Variants in COP1 observed in about 807,000 individuals in gnomAD.
COP1 encodes E3 ubiquitin-protein ligase COP1.
COP1 carries 24 observed loss-of-function variants against 101.3 expected under a neutral mutation model. That is an observed-to-expected ratio of 0.24 (90% confidence interval 0.17 to 0.33). The LOEUF (loss-of-function observed/expected upper bound fraction) is 0.33. COP1 is among the 10% of genes least tolerant of loss of function. The probability of loss-of-function intolerance (pLI) is 1.00; values close to 1 mark genes in which losing one functional copy is unlikely to be tolerated. For synonymous variants in COP1, 347 were observed against 341.9 expected (o/e 1.01, Z -0.17); for missense variants, 663 against 906.2 (o/e 0.73, Z 3.45).
At chr1:176,010,012 TTTTTCCC>T (rs1664356003) in intron 15 of COP1, among the ~76,000 whole-genome samples, 1 of 152,086 alleles carries the variant, frequency 6.6e-6, no homozygotes, top group South Asian at 2.1e-4. Flanking sequence ...CTGTTTTTCC[TTTTTCCC>T]TTTTAGCTTT....
intron 15 of COP1, among the ~76,000 whole-genome samples, chr1:175,998,299 T>C (rs1388967846): frequency 7.0e-6 from 1 of 142,308 alleles, no homozygotes; most frequent in East Asian, 2.2e-4. Flanking sequence ...CATCACACTC[T>C]GGGGACTGTT....
chr1:176,111,301 T>TG (rs1558130325), intron 9 of COP1, among the ~76,000 whole-genome samples: 12 of 151,950 alleles, frequency 7.9e-5, no homozygotes, highest in East Asian at 3.9e-4. Context: ...TATTTATTTT[T>TG]TGTGTGTGTG....
chr1:176,143,084 T>C (rs1378808408), intron 6 of COP1, among the ~76,000 whole-genome samples: 3 of 150,274 alleles, frequency 2.0e-5, no homozygotes, highest in African/African-American at 4.9e-5. Flanking sequence ...ACCCATATAA[T>C]TGATATATTC....
chr1:176,061,577 G>A (rs1348461563), intron 11 of COP1, among the ~76,000 whole-genome samples: 1 of 152,090 alleles, frequency 6.6e-6, no homozygotes, highest in Non-Finnish European at 1.5e-5. Flanking sequence ...AGTCAGCCGT[G>A]ATCACGCCAT....
At chr1:175,992,505 TG>T (rs1658830455) in intron 15 of COP1, among the ~76,000 whole-genome samples, 1 of 151,996 alleles carries the variant, frequency 6.6e-6, no homozygotes, top group South Asian at 2.1e-4. Flanking sequence ...AAGAAAGGAG[TG>T]ACAGACGGCA....
chr1:176,173,298 G>A (rs1315737768), intron 3 of COP1, among the ~76,000 whole-genome samples: 3 of 123,580 alleles, frequency 2.4e-5, no homozygotes, highest in East Asian at 2.8e-4. Flanking sequence ...GTGACAGTGC[G>A]AGACTTTGTC....
At chr1:175,995,043 G>A (rs561798855) in intron 15 of COP1, among the ~76,000 whole-genome samples, 2 of 152,184 alleles carry the variant, frequency 1.3e-5, no homozygotes, top group South Asian at 2.1e-4. Flanking sequence ...ATAACAAACT[G>A]TCTCTCAGAC....
intron 14 of COP1, among the ~76,000 whole-genome samples, chr1:176,029,994 C>T (rs1362076592): frequency 6.6e-6 from 1 of 152,070 alleles, no homozygotes; most frequent in Non-Finnish European, 1.5e-5. Context: ...CTCTGCCACC[C>T]ATCCTGGAGT....
chr1:176,106,804 CCT>C (rs1178990506), intron 9 of COP1, among the ~76,000 whole-genome samples: 1 of 152,134 alleles, frequency 6.6e-6, no homozygotes, highest in African/African-American at 2.4e-5. Context: ...TATCGCAATT[CCT>C]CTGTCTTGAT....
chr1:176,093,291 G>C (rs1359234944), intron 9 of COP1, among the ~76,000 whole-genome samples: 1 of 152,110 alleles, frequency 6.6e-6, no homozygotes, highest in Non-Finnish European at 1.5e-5. Context: ...ACAGAAGCCA[G>C]TTCCATAAAA....
At chr1:176,004,547 A>T (rs1202574524) in intron 15 of COP1, among the ~76,000 whole-genome samples, 2 of 152,002 alleles carry the variant, frequency 1.3e-5, no homozygotes, top group Non-Finnish European at 2.9e-5. Context: ...ATTTATTGAG[A>T]GTTTTTAGCA....
At chr1:176,191,648 C>G (rs961944385) in intron 1 of COP1, among the ~76,000 whole-genome samples, 3 of 152,020 alleles carry the variant, frequency 2.0e-5, no homozygotes, top group Non-Finnish European at 4.4e-5. Flanking sequence ...ACACTAGATC[C>G]TCTGAACCAA....
At chr1:176,019,545 A>G (rs1460072186) in intron 15 of COP1, among the ~76,000 whole-genome samples, 1 of 149,370 alleles carries the variant, frequency 6.7e-6, no homozygotes, top group East Asian at 2.0e-4. Context: ...CCACCAAATC[A>G]TAACAAAAAA....
chr1:176,003,447 T>A lies in COP1; in HGVS notation c.1730-13968A>T, dbSNP rs1477498288. On this transcript the variant is annotated intron_variant, in intron 15 of 19. Transcript: ENST00000367669. ...GCCCATGCCTATGTCCTGAATGGTA[T>A]TGCCTAGGTTTTCTTCTAGGGTTTT... Among the ~76,000 whole-genome samples, 684 of 151,898 alleles carry A rather than the reference T, an allele frequency of 4.5e-3. 6 individuals carry two copies. The highest frequency in any genetic ancestry group is 0.015 in the African/African-American group (630 of 41,424).
chr1:176,071,186 A>G (rs1676939826), intron 11 of COP1, among the ~76,000 whole-genome samples: 1 of 152,044 alleles, frequency 6.6e-6, no homozygotes, highest in Non-Finnish European at 1.5e-5. Context: ...GAATTCTCGC[A>G]AGATCTGGTC....
intron 14 of COP1, among the ~76,000 whole-genome samples, chr1:176,036,204 T>TA (rs1172465808): frequency 1.3e-5 from 2 of 151,852 alleles, no homozygotes; most frequent in African/African-American, 4.8e-5. Flanking sequence ...ATGTTCAGAT[T>TA]AAAAAGACAG....
intron 18 of COP1, among the ~76,000 whole-genome samples, chr1:175,974,578 G>A (rs1421048015): frequency 6.6e-6 from 1 of 152,072 alleles, no homozygotes; most frequent in Non-Finnish European, 1.5e-5. Flanking sequence ...ATGGTTAAAG[G>A]GGTTGATGGA....
intron 15 of COP1, among the ~76,000 whole-genome samples, chr1:176,011,324 T>C (rs570745014): frequency 6.6e-6 from 1 of 152,308 alleles, no homozygotes; most frequent in African/African-American, 2.4e-5. Context: ...GCAGTTCTAT[T>C]TGACAGTTTT....
intron 11 of COP1, among the ~76,000 whole-genome samples, chr1:176,075,556 C>T (rs1020805511): frequency 8.6e-5 from 13 of 152,036 alleles, no homozygotes; most frequent in Admixed American, 5.9e-4. Flanking sequence ...GTGATACAGC[C>T]CTGTGGTTTA....
Sources: gnomAD v4.1 joint callset for allele counts (sites outside exome capture counted in the v4.1 genomes callset) on GRCh38, gnomAD v4.1.1 for gene constraint, MANE v1.5 for transcripts, NCBI Gene and HGNC (gene_info 2026-07-23, HGNC 2026-07-21) for gene names.